The following MIPOL1 variants were observed in gnomAD, a reference collection of about 807,000 sequenced individuals.
MIPOL1 encodes mirror-image polydactyly gene 1 protein.
MIPOL1 carries 57 observed loss-of-function variants against 60.9 expected under a neutral mutation model. The observed-to-expected ratio is 0.94, with a 90% CI of 0.76 to 1.17. The LOEUF (loss-of-function observed/expected upper bound fraction) is 1.17, where lower values mean the gene tolerates loss of function less well. Ranked by LOEUF, MIPOL1 falls within the 50% of genes most tolerant of loss-of-function variation. The probability of loss-of-function intolerance (pLI) is 0.00; values close to 1 mark genes in which losing one functional copy is unlikely to be tolerated. For synonymous variants in MIPOL1, 179 were observed against 168.8 expected (o/e 1.06, Z -0.47); for missense variants, 551 against 511.6 (o/e 1.08, Z -0.74).
chr14:37,532,490 A>G (rs1282429294), intron 12 of MIPOL1, among the ~76,000 whole-genome samples: 2 of 152,210 alleles, frequency 1.3e-5, no homozygotes, highest in Non-Finnish European at 2.9e-5. Context: ...AAGTGAATGG[A>G]TATTAAAGAA....
intron 12 of MIPOL1, among the ~76,000 whole-genome samples, chr14:37,535,027 G>A (rs190656987): frequency 1.3e-5 from 2 of 152,088 alleles, no homozygotes; most frequent in Non-Finnish European, 2.9e-5. Flanking sequence ...ATACTATAAA[G>A]AAGGAAATAT....
intron 9 of MIPOL1, among the ~76,000 whole-genome samples, chr14:37,330,424 G>A (rs2089566989): frequency 1.3e-5 from 2 of 152,000 alleles, no homozygotes; most frequent in Non-Finnish European, 2.9e-5. Flanking sequence ...CCAACATAGT[G>A]TTCTTAAATT....
chr14:37,308,084 G>A lies in MIPOL1; in HGVS notation c.652G>A (p.Asp218Asn). ...AGAAAATATTAACCCTGAAGAAAATGACATGGTAAGCCATTCTCTGAGGAG... is the reference window on the plus strand; with the variant it reads ...AGAAAATATTAACCCTGAAGAAAATAACATGGTAAGCCATTCTCTGAGGAG... ...VLENINPEEN[D>N]MTLQELLNRI... Residue 218 changes from aspartate to asparagine, a missense_variant, in exon 8 of 13, where the codon GAC (aspartate) becomes AAC (asparagine). Asp to Asn is a conservative substitution (Grantham distance 23, BLOSUM62 1). Transcript: ENST00000684589. 1 of 1,610,446 alleles carries A rather than the reference G, an allele frequency of 6.2e-7. No individual in the cohort carries two copies. Among genetic ancestry groups the A allele is most frequent in the Non-Finnish European group, 8.5e-7 (1 of 1,177,930 alleles).
At chr14:37,447,664 C>A (rs1381301383) in intron 11 of MIPOL1, among the ~76,000 whole-genome samples, 1 of 152,076 alleles carries the variant, frequency 6.6e-6, no homozygotes, top group Non-Finnish European at 1.5e-5. Flanking sequence ...AGTAGAGGAA[C>A]AAGAGGCAGA....
intron 12 of MIPOL1, among the ~76,000 whole-genome samples, chr14:37,512,246 C>A (rs1018109807): frequency 6.6e-6 from 1 of 150,986 alleles, no homozygotes; most frequent in Non-Finnish European, 1.5e-5. Flanking sequence ...ATTGGTGTTA[C>A]AAAGAAATTG....
At position 37,514,488 on chromosome 14, in the gene MIPOL1, C is replaced by T. The variant is rs117803225; in HGVS notation, c.1262+14350C>T. On this transcript the variant is annotated intron_variant, in intron 12 of 12. Transcript: ENST00000684589. ...TTCCTGCAAAAACATTGCTCAATCT[C>T]ATTAGACTTGATGTAACATATCGTT... is the stretch of plus-strand genomic sequence containing the variant. Among the ~76,000 whole-genome samples, 647 of 152,260 alleles carry T rather than the reference C, an allele frequency of 4.2e-3. 6 individuals carry two copies. Among genetic ancestry groups the T allele is most frequent in the Non-Finnish European group, 6.8e-3 (463 of 68,008 alleles).
At chr14:37,417,049 TG>T (rs1217166756) in intron 10 of MIPOL1, among the ~76,000 whole-genome samples, 2 of 152,186 alleles carry the variant, frequency 1.3e-5, no homozygotes, top group Non-Finnish European at 2.9e-5. Flanking sequence ...TACCCCATTT[TG>T]TAGGTGAGGA....
chr14:37,478,603 T>G (rs1328005217), intron 11 of MIPOL1, among the ~76,000 whole-genome samples: 1 of 152,020 alleles, frequency 6.6e-6, no homozygotes, highest in Non-Finnish European at 1.5e-5. Flanking sequence ...TAAATAATCT[T>G]TAAAGAGGAC....
intron 11 of MIPOL1, among the ~76,000 whole-genome samples, chr14:37,442,895 TTAAGA>T (rs1404597661): frequency 2.0e-5 from 3 of 152,104 alleles, no homozygotes; most frequent in Non-Finnish European, 2.9e-5. Flanking sequence ...ATTTATACTG[TTAAGA>T]TAAGAATCTA....
intron 11 of MIPOL1, among the ~76,000 whole-genome samples, chr14:37,487,988 CT>C (rs1271571823): frequency 6.6e-6 from 1 of 152,184 alleles, no homozygotes; most frequent in Non-Finnish European, 1.5e-5. Flanking sequence ...AAATTTCCCC[CT>C]AGACACTGCT....
intron 11 of MIPOL1, among the ~76,000 whole-genome samples, chr14:37,433,892 A>G (rs1269730074): frequency 1.3e-5 from 2 of 152,128 alleles, no homozygotes; most frequent in African/African-American, 2.4e-5. Context: ...ATAGTAGTCC[A>G]TGGTGTATAT....
intron 10 of MIPOL1, among the ~76,000 whole-genome samples, chr14:37,386,473 A>G (rs2093071438): frequency 6.6e-6 from 1 of 151,930 alleles, no homozygotes; most frequent in Non-Finnish European, 1.5e-5. Context: ...TTGTTTCTCC[A>G]TATAACTGGA....
At chr14:37,483,912 A>G (rs1292414479) in intron 11 of MIPOL1, among the ~76,000 whole-genome samples, 1 of 152,196 alleles carries the variant, frequency 6.6e-6, no homozygotes, top group Non-Finnish European at 1.5e-5. Flanking sequence ...CTGACTTCAC[A>G]GGTGTGAGCC....
intron 7 of MIPOL1, among the ~76,000 whole-genome samples, chr14:37,295,657 G>C (rs187402424): frequency 1.6e-4 from 24 of 152,246 alleles, no homozygotes; most frequent in African/African-American, 5.8e-4. Flanking sequence ...TGCAATCCTA[G>C]TCTTTGATAA....
chr14:37,238,586 A>G lies in MIPOL1; in HGVS notation c.-198-8517A>G, dbSNP rs113838763. On this transcript the variant is annotated intron_variant, in intron 1 of 12. Transcript: ENST00000684589. ...AAAATGTCAGGTTAGTCATACAGCCATTTTGCAGGTAGTAATCATGATTAT... is the reference window on the plus strand; with the variant it reads ...AAAATGTCAGGTTAGTCATACAGCCGTTTTGCAGGTAGTAATCATGATTAT... Among the ~76,000 whole-genome samples, 401 of 152,250 alleles carry G rather than the reference A, an allele frequency of 2.6e-3. 3 individuals carry two copies. The highest frequency in any genetic ancestry group is 9.1e-3 in the African/African-American group (378 of 41,538).
In MIPOL1 at chr14:37,268,700, G is replaced by T; in HGVS notation, c.294G>T (p.Met98Ile). Residue 98 changes from methionine (M) to isoleucine (I), a missense_variant, in exon 5 of 13, where the codon ATG becomes ATT. Coordinates refer to ENST00000684589, the MANE Select transcript of MIPOL1 (RefSeq NM_001388067.1). ...HRHNDMHYECMTPCQVTSDSD... is the reference protein window; with the variant it reads ...HRHNDMHYECITPCQVTSDSD... ...ATAATGATATGCATTATGAATGTAT[G>T]ACTCCTTGTCAAGTTACTTCAGACT... 1.2e-6 allele frequency: 2 copies of T among 1,602,790 alleles called. No homozygotes were observed. The highest frequency in any genetic ancestry group is 2.2e-5 in the South Asian group (2 of 89,628).
chr14:37,387,768 G>A (rs1310667621), intron 10 of MIPOL1, among the ~76,000 whole-genome samples: 2 of 151,834 alleles, frequency 1.3e-5, no homozygotes, highest in East Asian at 3.9e-4. Flanking sequence ...AAATCTGGAA[G>A]CTATCAGTCT....
At chr14:37,353,597 C>T (rs2091572607) in intron 9 of MIPOL1, among the ~76,000 whole-genome samples, 1 of 151,440 alleles carries the variant, frequency 6.6e-6, no homozygotes, top group East Asian at 1.9e-4. Context: ...TGTTATTGGT[C>T]TATTCAGAGA....
chr14:37,366,864 G>A (rs1207816526), intron 9 of MIPOL1, among the ~76,000 whole-genome samples: 2 of 151,918 alleles, frequency 1.3e-5, no homozygotes, highest in Non-Finnish European at 2.9e-5. Context: ...TAAAATTGCT[G>A]CATCCTCTTG....
Sources: gnomAD v4.1 joint callset for allele counts (sites outside exome capture counted in the v4.1 genomes callset) on GRCh38, gnomAD v4.1.1 for gene constraint, MANE v1.5 for transcripts, NCBI Gene and HGNC (gene_info 2026-07-23, HGNC 2026-07-21) for gene names.